The following PCDH9 variants were observed in gnomAD, a reference collection of about 807,000 sequenced individuals.
The protein encoded by PCDH9 is protocadherin 9.
PCDH9 carries 24 observed loss-of-function variants against 70.6 expected under a neutral mutation model. The ratio of observed to expected loss-of-function variants is 0.34; its 90% CI spans 0.25 to 0.48. The LOEUF is 0.48. Ranked by LOEUF, PCDH9 falls within the 20% of genes least tolerant of loss-of-function variation. The pLI is 0.99. For missense variants in PCDH9, 1,281 were observed against 1,503.6 expected (o/e 0.85, Z 2.45); for synonymous variants, 562 against 558.5 (o/e 1.01, Z -0.09).
chr13:67,083,919 G>C (rs964333695), intron 2 of PCDH9, among the ~76,000 whole-genome samples: 1 of 152,024 alleles, frequency 6.6e-6, no homozygotes, highest in East Asian at 1.9e-4. Context: ...TGTAGGACAC[G>C]GATTAAAAGT....
chr13:66,364,850 G>A (rs556187043), intron 4 of PCDH9, among the ~76,000 whole-genome samples: 2 of 152,288 alleles, frequency 1.3e-5, no homozygotes, highest in African/African-American at 2.4e-5. Context: ...AAACAGGAGA[G>A]AGCATAATTG....
intron 3 of PCDH9, among the ~76,000 whole-genome samples, chr13:66,788,928 T>C (rs959240216): frequency 2.0e-5 from 3 of 152,064 alleles, no homozygotes; most frequent in Non-Finnish European, 2.9e-5. Context: ...TTTCTAAAAA[T>C]CCACTTGATT....
intron 2 of PCDH9, chr13:67,216,260 A>G (rs545046396): frequency 1.3e-5 from 2 of 152,208 alleles, no homozygotes; most frequent in South Asian, 2.1e-4. Flanking sequence ...TGAATTCAAC[A>G]TATTTTGCTA....
chr13:67,121,573 T>C (rs1251221713), intron 2 of PCDH9, among the ~76,000 whole-genome samples: 1 of 152,222 alleles, frequency 6.6e-6, no homozygotes, highest in Non-Finnish European at 1.5e-5. Flanking sequence ...TAATCTTTTT[T>C]ACATATTATC....
At chr13:66,543,641 A>G (rs1961060554) in intron 4 of PCDH9, among the ~76,000 whole-genome samples, 1 of 152,174 alleles carries the variant, frequency 6.6e-6, no homozygotes, top group Non-Finnish European at 1.5e-5. Context: ...TGAGAAGTGA[A>G]TATTCACCAC....
chr13:66,934,431 C>T, intron 2 of PCDH9, among the ~76,000 whole-genome samples: 1 of 150,872 alleles, frequency 6.6e-6, no homozygotes, highest in East Asian at 2.0e-4. Context: ...ATCCCAGCTA[C>T]TTAGGAGGCT....
chr13:66,696,407 T>C (rs1329135296), intron 3 of PCDH9, among the ~76,000 whole-genome samples: 4 of 152,204 alleles, frequency 2.6e-5, no homozygotes, highest in Admixed American at 1.3e-4. Flanking sequence ...GCATCTATTT[T>C]AGAAAGAACA....
chr13:66,568,661 A>G (rs1304198801), intron 4 of PCDH9, among the ~76,000 whole-genome samples: 3 of 151,892 alleles, frequency 2.0e-5, no homozygotes, highest in African/African-American at 7.3e-5. Context: ...GACAGGGGAA[A>G]AACCCTGTCT....
At chr13:66,480,094 G>A (rs978319332) in intron 4 of PCDH9, among the ~76,000 whole-genome samples, 1 of 152,132 alleles carries the variant, frequency 6.6e-6, no homozygotes, top group South Asian at 2.1e-4. Context: ...CCACCAGAAG[G>A]AACCAACTCC....
At chr13:66,906,814 A>C (rs1340628892) in intron 2 of PCDH9, among the ~76,000 whole-genome samples, 1 of 152,206 alleles carries the variant, frequency 6.6e-6, no homozygotes, top group Non-Finnish European at 1.5e-5. Context: ...ACTTTTAAGA[A>C]AAAAAATTCT....
chr13:66,689,614 C>G (rs1211207425), intron 3 of PCDH9, among the ~76,000 whole-genome samples: 1 of 152,204 alleles, frequency 6.6e-6, no homozygotes, highest in African/African-American at 2.4e-5. Context: ...CTCCCTCTCT[C>G]CCAATGAATT....
intron 2 of PCDH9, among the ~76,000 whole-genome samples, chr13:67,021,919 T>C (rs144820656): frequency 2.0e-5 from 3 of 152,122 alleles, no homozygotes; most frequent in Non-Finnish European, 4.4e-5. Flanking sequence ...TATATATGTA[T>C]GTAGGTGTAT....
At chr13:67,134,440 A>G (rs1001059023) in intron 2 of PCDH9, among the ~76,000 whole-genome samples, 6 of 152,022 alleles carry the variant, frequency 3.9e-5, no homozygotes, top group African/African-American at 1.4e-4. Flanking sequence ...GATCACCCCA[A>G]AGGGACCTAG....
intron 4 of PCDH9, among the ~76,000 whole-genome samples, chr13:66,487,778 C>T (rs542133350): frequency 1.3e-5 from 2 of 152,270 alleles, no homozygotes; most frequent in East Asian, 3.9e-4. Context: ...ACCAACCCCA[C>T]TTTTTACTTT....
At chr13:67,131,238 T>C (rs2087105547) in intron 2 of PCDH9, among the ~76,000 whole-genome samples, 1 of 152,126 alleles carries the variant, frequency 6.6e-6, no homozygotes, top group African/African-American at 2.4e-5. Context: ...CAATGAGTTA[T>C]TATTTATTAT....
chr13:66,838,445 A>G (rs2081060774), intron 3 of PCDH9, among the ~76,000 whole-genome samples: 2 of 152,244 alleles, frequency 1.3e-5, no homozygotes, highest in Admixed American at 6.5e-5. Context: ...AATAAAATAA[A>G]TACTTTGTAC....
chr13:66,320,234 T>C (rs935639420), intron 4 of PCDH9, among the ~76,000 whole-genome samples: 1 of 152,120 alleles, frequency 6.6e-6, no homozygotes, highest in Non-Finnish European at 1.5e-5. Context: ...GCTGGATTTA[T>C]AATCGCAGTC....
At chr13:67,063,386 C>G (rs184107614) in intron 2 of PCDH9, among the ~76,000 whole-genome samples, 1 of 152,244 alleles carries the variant, frequency 6.6e-6, no homozygotes, top group Admixed American at 6.6e-5. Context: ...TAAGGTCCAA[C>G]TACATGCTAA....
At chr13:66,694,580 T>C (rs2078532656) in intron 3 of PCDH9, among the ~76,000 whole-genome samples, 1 of 152,148 alleles carries the variant, frequency 6.6e-6, no homozygotes, top group South Asian at 2.1e-4. Flanking sequence ...TGTTAATCTC[T>C]GATTTTAAAC....
Sources: allele counts gnomAD v4.1 joint callset (sites outside exome capture counted in the v4.1 genomes callset), GRCh38; gene constraint gnomAD v4.1.1; transcripts MANE v1.5; gene names NCBI Gene and HGNC (gene_info 2026-07-23, HGNC 2026-07-21).